Variants in CCNY observed in about 807,000 individuals in gnomAD.
CCNY encodes the protein cyclin-Y.
A neutral mutation model predicts 42.8 loss-of-function variants in CCNY; 19 were observed. The observed-to-expected ratio is 0.44, with a 90% confidence interval of 0.31 to 0.65. CCNY has a LOEUF of 0.65. CCNY is among the 30% of genes least tolerant of loss of function. The pLI is 0.07. For synonymous variants in CCNY, 165 were observed against 162.7 expected, an observed-to-expected ratio of 1.01 and a Z score of -0.11; for missense variants, 370 against 437.3, an observed-to-expected ratio of 0.85 and a Z score of 1.37.
At chr10:35,310,741 T>C (rs1835673414) in intron 3 of CCNY, among the ~76,000 whole-genome samples, 1 of 152,232 alleles carries the variant, frequency 6.6e-6, no homozygotes, top group Non-Finnish European at 1.5e-5. Context: ...TGTGATTACT[T>C]TTTGAGCAGT....
At chr10:35,438,048 C>T (rs371122252) in intron 1 of CCNY, among the ~76,000 whole-genome samples, 2 of 152,012 alleles carry the variant, frequency 1.3e-5, no homozygotes, top group Non-Finnish European at 2.9e-5. Flanking sequence ...GTCTCTCTCT[C>T]GAGAGTCTCT....
chr10:35,516,617 T>G lies in CCNY; in HGVS notation c.359T>G (p.Ile120Ser). The change falls in exon 4 of 10, where the codon ATT becomes AGT. Residue 120 changes from isoleucine (I) to serine (S), a missense_variant. Coordinates refer to ENST00000374704, the MANE Select transcript of CCNY (RefSeq NM_145012.6). ...TVSQPNLKYTIKCVALAIYYH... is the reference protein window; with the variant it reads ...TVSQPNLKYTSKCVALAIYYH... The stretch of plus-strand genomic sequence containing the variant: ...AGTCAACCAAACCTCAAGTATACAA[T>G]TAAATGGTGGGTATATGGATTTATT... 1 of 1,574,486 alleles carries G rather than the reference T, an allele frequency of 6.4e-7. No individual in the cohort carries two copies. The highest frequency in any genetic ancestry group is 8.7e-7 in the Non-Finnish European group (1 of 1,145,632).
intron 5 of CCNY, 136 bp downstream of exon 5, chr10:35,526,135 A>T (rs1169790385): frequency 1.3e-6 from 1 of 786,632 alleles, no homozygotes; most frequent in African/African-American, 1.8e-5. Context: ...TCTAAAGGTA[A>T]TATAATTTAC....
chr10:35,280,845 A>G (rs1007875277), intron 3 of CCNY, among the ~76,000 whole-genome samples: 1 of 152,224 alleles, frequency 6.6e-6, no homozygotes, highest in African/African-American at 2.4e-5. Flanking sequence ...CACAAATCAC[A>G]TATCTAATAA....
intron 1 of CCNY, among the ~76,000 whole-genome samples, chr10:35,356,324 A>G (rs1836548180): frequency 6.6e-6 from 1 of 152,170 alleles, no homozygotes; most frequent in Admixed American, 6.6e-5. Context: ...AGTGTATGGT[A>G]AACACTTATG....
At chr10:35,322,125 G>A (rs1472199275) in intron 3 of CCNY, among the ~76,000 whole-genome samples, 2 of 152,236 alleles carry the variant, frequency 1.3e-5, no homozygotes, top group East Asian at 3.8e-4. Flanking sequence ...GGAGAACGAA[G>A]CGGGTGGATC....
chr10:35,432,106 G>T (rs955644096), intron 1 of CCNY, among the ~76,000 whole-genome samples: 33 of 152,146 alleles, frequency 2.2e-4, no homozygotes, highest in African/African-American at 8.0e-4. Context: ...TTCATGTGGC[G>T]TATTTTTATT....
chr10:35,547,445 C>G (rs1034134982), intron 7 of CCNY, among the ~76,000 whole-genome samples: 9 of 152,078 alleles, frequency 5.9e-5, no homozygotes, highest in African/African-American at 2.2e-4. Context: ...CTTCCTGGGC[C>G]TTATTTGAAG....
intron 2 of CCNY, among the ~76,000 whole-genome samples, chr10:35,491,151 C>T (rs1839887047): frequency 6.6e-6 from 1 of 152,208 alleles, no homozygotes; most frequent in Non-Finnish European, 1.5e-5. Flanking sequence ...ACCCCAGTGG[C>T]AGGGAACCAG....
chr10:35,301,300 G>A (rs907473778), intron 3 of CCNY, among the ~76,000 whole-genome samples: 53 of 152,118 alleles, frequency 3.5e-4, no homozygotes, highest in Non-Finnish European at 3.4e-4. Flanking sequence ...CATGATGGAA[G>A]GTCCAGTTTT....
intron 3 of CCNY, among the ~76,000 whole-genome samples, chr10:35,507,591 C>G (rs536337403): frequency 6.6e-6 from 1 of 152,204 alleles, no homozygotes; most frequent in African/African-American, 2.4e-5. Flanking sequence ...TATGTTTCTT[C>G]TAATTAACTG....
rs923734722 is a variant in CCNY, at chr10:35,313,850, C to T, written c.-9+63224C>T. Among the ~76,000 whole-genome samples the T allele has an allele frequency of 3.3e-5, 5 of 151,996 alleles. No individual in the cohort carries two copies. The South Asian group carries it at 8.3e-4, about 25-fold the overall frequency. ...AACTAGCCTGGCGTGGTGGTGCATT[C>T]CTGCAGTCTCAGCTACTCAGGAGGC... On this transcript the variant is annotated intron_variant, in intron 3 of 11. Transcript: ENST00000374706.
intron 3 of CCNY, among the ~76,000 whole-genome samples, chr10:35,504,374 A>G (rs1840173413): frequency 6.6e-6 from 1 of 152,172 alleles, no homozygotes. Context: ...GCAGTAGAGA[A>G]TGGTCCCCCA....
At chr10:35,255,325 C>CTTT (rs71033387) in intron 3 of CCNY, among the ~76,000 whole-genome samples, 15 of 140,504 alleles carry the variant, frequency 1.1e-4, no homozygotes, top group Non-Finnish European at 1.8e-4. Flanking sequence ...TAATTTTTTT[C>CTTT]TTTTTTTTTT....
intron 2 of CCNY, among the ~76,000 whole-genome samples, chr10:35,490,824 T>G (rs1226125962): frequency 2.6e-5 from 4 of 152,170 alleles, no homozygotes; most frequent in African/African-American, 9.7e-5. Context: ...ACCAGGTCAG[T>G]GCAGGCCTCA....
At chr10:35,405,618 A>G (rs1362717542) in intron 1 of CCNY, among the ~76,000 whole-genome samples, 3 of 152,190 alleles carry the variant, frequency 2.0e-5, no homozygotes, top group Non-Finnish European at 4.4e-5. Context: ...ACAGTTATGG[A>G]GGCAAGGGAA....
At chr10:35,467,737 T>C (rs758270240) in intron 1 of CCNY, among the ~76,000 whole-genome samples, 4 of 152,254 alleles carry the variant, frequency 2.6e-5, no homozygotes, top group Non-Finnish European at 4.4e-5. Context: ...GAGAAATGTG[T>C]CTGATGTTTC....
At chr10:35,469,448 C>T (rs183042143) in intron 1 of CCNY, among the ~76,000 whole-genome samples, 1 of 152,036 alleles carries the variant, frequency 6.6e-6, no homozygotes, top group East Asian at 1.9e-4. Context: ...CAGAGAGGAA[C>T]TGGGGAGGGA....
In CCNY at chr10:35,529,124, G is replaced by A. The variant is rs927379358; in HGVS notation, c.402-849G>A. 3.3e-5 allele frequency among the ~76,000 whole-genome samples: 5 copies of A among 152,204 alleles called. No homozygotes were observed. In the East Asian group the frequency reaches 5.8e-4, roughly 18 times the overall value. On this transcript the variant is annotated intron_variant, in intron 5 of 9. Transcript: ENST00000374704. ...TACCTCTTTAAGTGGTTCTGTGCAC[G>A]TACCAGCCTGGTAAGAGCTAACTGT...
Sources: allele counts gnomAD v4.1 joint callset (sites outside exome capture counted in the v4.1 genomes callset), GRCh38; gene constraint gnomAD v4.1.1; transcripts MANE v1.5; gene names NCBI Gene and HGNC (gene_info 2026-07-23, HGNC 2026-07-21).